The following JAZF1 variants were observed in gnomAD, a reference collection of about 807,000 sequenced individuals.
JAZF1 encodes the protein JAZF zinc finger 1.
In JAZF1, 8 loss-of-function variants were observed where a neutral mutation model predicts 26.4. The observed-to-expected ratio is 0.30, with a 90% CI of 0.18 to 0.55. JAZF1 has a LOEUF of 0.55. JAZF1 is among the 20% of genes least tolerant of loss of function. The probability of loss-of-function intolerance (pLI) is 0.94; values close to 1 mark genes in which losing one functional copy is unlikely to be tolerated. For missense variants in JAZF1, 199 were observed against 322.0 expected (o/e 0.62, Z 2.92); for synonymous variants, 126 against 122.3 (o/e 1.03, Z -0.20).
At chr7:28,176,381 C>T (rs1360813094) in intron 1 of JAZF1, among the ~76,000 whole-genome samples, 3 of 152,242 alleles carry the variant, frequency 2.0e-5, no homozygotes, top group Non-Finnish European at 1.5e-5. Flanking sequence ...GTACTGCCTG[C>T]GCCCAGAATG....
At chr7:28,027,427 A>T (rs1159343408) in intron 1 of JAZF1, among the ~76,000 whole-genome samples, 1 of 152,188 alleles carries the variant, frequency 6.6e-6, no homozygotes, top group Non-Finnish European at 1.5e-5. Flanking sequence ...ACAGTAGGTG[A>T]CATTTTAAAA....
chr7:27,963,721 CGGTTT>C (rs903836565), intron 2 of JAZF1, among the ~76,000 whole-genome samples: 2 of 31,800 alleles, frequency 6.3e-5, no homozygotes, highest in African/African-American at 1.8e-4. Flanking sequence ...GTCACCACAC[CGGTTT>C]TGTTTTGTTT....
intron 1 of JAZF1, among the ~76,000 whole-genome samples, chr7:27,993,260 TC>T (rs1429056380): frequency 7.2e-5 from 11 of 152,160 alleles, no homozygotes; most frequent in Non-Finnish European, 1.6e-4. Flanking sequence ...AGACAAAGAT[TC>T]TCTGAATGGC....
Position 28,028,483 on chromosome 7 carries a change from A to C in JAZF1, c.116-36502T>G, listed in dbSNP as rs78977368. Among the ~76,000 whole-genome samples, 1,311 of 152,332 alleles carry C rather than the reference A, an allele frequency of 8.6e-3. 18 individuals are homozygous for C. Among genetic ancestry groups the C allele is most frequent in the African/African-American group, 0.029 (1,217 of 41,566 alleles). On this transcript the variant is annotated intron_variant, in intron 1 of 4. Coordinates refer to ENST00000283928, the MANE Select transcript of JAZF1 (RefSeq NM_175061.4). ...GTGTCCATTGAATCTGCTGAAGGCA[A>C]TATGTAGAGATGTTGCAACATTCTT...
chr7:27,979,844 C>T (rs116694588), intron 2 of JAZF1, among the ~76,000 whole-genome samples: 2,648 of 152,158 alleles, frequency 0.017, 70 homozygotes, highest in African/African-American at 0.059. Context: ...TCCATTACAG[C>T]TGAGGCCTGT....
At chr7:28,180,094 C>T (rs1180084412) in intron 1 of JAZF1, among the ~76,000 whole-genome samples, 2 of 146,078 alleles carry the variant, frequency 1.4e-5, no homozygotes, top group Non-Finnish European at 3.0e-5. Flanking sequence ...CTCCCGCCGC[C>T]CGCCGCGCCC....
Position 28,023,296 on chromosome 7 carries a change from AGTAATT to A in JAZF1, c.116-31321_116-31316del, listed in dbSNP as rs559109152. ...ATATACCGAAGGACAGATTCACTGAAGTAATTTCCCTTGCTAAGCCTTTGCTCTTAT... is the reference window on the plus strand; with the variant it reads ...ATATACCGAAGGACAGATTCACTGAATCCCTTGCTAAGCCTTTGCTCTTAT... On this transcript the variant is annotated intron_variant, in intron 1 of 4. Coordinates refer to ENST00000283928, the MANE Select transcript of JAZF1 (RefSeq NM_175061.4). Among the ~76,000 whole-genome samples, 15 of 152,326 alleles carry A rather than the reference AGTAATT, an allele frequency of 9.8e-5. No individual in the cohort carries two copies. In the East Asian group the frequency reaches 2.5e-3, roughly 25 times the overall value.
At chr7:27,846,648 T>C (rs1783037955) in intron 3 of JAZF1, 4 of 433,078 alleles carry the variant, frequency 9.2e-6, no homozygotes, top group South Asian at 3.5e-5. Flanking sequence ...GCTGTCTGAA[T>C]GGGTGTGCTC....
At chr7:28,031,423 G>A (rs76152870) in intron 1 of JAZF1, among the ~76,000 whole-genome samples, 3 of 152,206 alleles carry the variant, frequency 2.0e-5, no homozygotes, top group African/African-American at 4.8e-5. Flanking sequence ...GTGGGAAGAC[G>A]CTCACTCCCA....
intron 3 of JAZF1, among the ~76,000 whole-genome samples, chr7:27,849,561 G>A (rs1783099204): frequency 1.3e-5 from 2 of 152,106 alleles, no homozygotes; most frequent in Admixed American, 6.5e-5. Context: ...GGGCAGGCAG[G>A]ACAGCAGCCG....
intron 1 of JAZF1, among the ~76,000 whole-genome samples, chr7:28,066,668 G>A (rs778592585): frequency 1.4e-5 from 2 of 146,484 alleles, no homozygotes; most frequent in African/African-American, 2.5e-5. Context: ...CATCAAACCA[G>A]ATGATGATCC....
At chr7:27,875,648 G>T (rs1455946964) in intron 3 of JAZF1, among the ~76,000 whole-genome samples, 2 of 152,202 alleles carry the variant, frequency 1.3e-5, no homozygotes, top group African/African-American at 4.8e-5. Flanking sequence ...GTCTGGGCTA[G>T]GCAGGTGCCT....
intron 1 of JAZF1, among the ~76,000 whole-genome samples, chr7:28,075,137 C>A (rs1784031086): frequency 6.6e-6 from 1 of 152,148 alleles, no homozygotes; most frequent in African/African-American, 2.4e-5. Context: ...TATGACCCGG[C>A]AAATCAACAC....
chr7:28,171,663 T>C (rs564480414), intron 1 of JAZF1, among the ~76,000 whole-genome samples: 2 of 152,296 alleles, frequency 1.3e-5, no homozygotes, highest in Admixed American at 1.3e-4. Context: ...AAGAAAAATA[T>C]TTCTGTTTTA....
chr7:28,152,503 A>G (rs865975155), intron 1 of JAZF1, among the ~76,000 whole-genome samples: 1 of 152,180 alleles, frequency 6.6e-6, no homozygotes, highest in Non-Finnish European at 1.5e-5. Flanking sequence ...ATTTCTTCTA[A>G]TACTCAATGC....
intron 2 of JAZF1, among the ~76,000 whole-genome samples, chr7:27,937,818 A>G (rs1290890823): frequency 6.6e-6 from 1 of 152,244 alleles, no homozygotes; most frequent in Non-Finnish European, 1.5e-5. Flanking sequence ...CTTTCCATAA[A>G]AATGCAAACA....
At chr7:28,036,325 C>T (rs1011370169) in intron 1 of JAZF1, among the ~76,000 whole-genome samples, 6 of 152,214 alleles carry the variant, frequency 3.9e-5, no homozygotes, top group Non-Finnish European at 8.8e-5. Context: ...TAGTAACAAA[C>T]TAAAACCTAT....
chr7:28,039,361 C>A (rs974463408), intron 1 of JAZF1, among the ~76,000 whole-genome samples: 2 of 152,046 alleles, frequency 1.3e-5, no homozygotes, highest in African/African-American at 4.8e-5. Flanking sequence ...CAGGAAGTGA[C>A]AGAGGGAAGA....
intron 1 of JAZF1, among the ~76,000 whole-genome samples, chr7:28,096,575 T>C (rs943149414): frequency 1.3e-5 from 2 of 152,250 alleles, no homozygotes; most frequent in African/African-American, 4.8e-5. Context: ...TGCATGTTGA[T>C]AGACGATTCA....
Sources: gnomAD v4.1 joint callset for allele counts (sites outside exome capture counted in the v4.1 genomes callset) on GRCh38, gnomAD v4.1.1 for gene constraint, MANE v1.5 for transcripts, NCBI Gene and HGNC (gene_info 2026-07-23, HGNC 2026-07-21) for gene names.